ATAD1: variants seen among roughly 807,000 people sequenced by gnomAD.
ATAD1 encodes ATPase family AAA domain containing 1.
A neutral mutation model predicts 42.7 loss-of-function variants in ATAD1; 18 were observed. The observed-to-expected ratio is 0.42, with a 90% CI of 0.29 to 0.63. The LOEUF (loss-of-function observed/expected upper bound fraction) is 0.63. ATAD1 is among the 20% of genes least tolerant of loss of function. ATAD1 has a pLI of 0.19. For missense variants in ATAD1, 294 were observed against 440.4 expected (o/e 0.67, Z 2.98); for synonymous variants, 132 against 143.1 (o/e 0.92, Z 0.55).
intron 1 of ATAD1, 194 bp downstream of exon 1, chr10:87,817,973 C>T: frequency 3.0e-6 from 3 of 985,568 alleles, no homozygotes; most frequent in Non-Finnish European, 3.6e-6. Flanking sequence ...AAGGCGAGGC[C>T]CGGGACGCCC....
intron 5 of ATAD1, among the ~76,000 whole-genome samples, chr10:87,783,191 GCAA>G (rs1855652551): frequency 6.6e-6 from 1 of 151,882 alleles, no homozygotes; most frequent in Non-Finnish European, 1.5e-5. Context: ...ACCATCCTGG[GCAA>G]CATGGAGAAA....
chr10:87,791,287 A>G (rs1589517013), intron 3 of ATAD1, among the ~76,000 whole-genome samples: 1 of 152,188 alleles, frequency 6.6e-6, no homozygotes, highest in South Asian at 2.1e-4. Flanking sequence ...CGTATTTTCA[A>G]AATAGACAAG....
chr10:87,811,053 C>T (rs1857153203), intron 2 of ATAD1, among the ~76,000 whole-genome samples: 1 of 152,100 alleles, frequency 6.6e-6, no homozygotes. Context: ...GATTTTTAGG[C>T]CAGACACAGT....
intron 8 of ATAD1, among the ~76,000 whole-genome samples, chr10:87,764,397 G>A (rs1854636646): frequency 6.6e-6 from 1 of 152,160 alleles, no homozygotes; most frequent in African/African-American, 2.4e-5. Flanking sequence ...GGAAGGCAGA[G>A]GTTGCAGTGA....
intron 2 of ATAD1, among the ~76,000 whole-genome samples, chr10:87,800,209 A>G (rs1220560072): frequency 6.6e-6 from 1 of 152,118 alleles, no homozygotes; most frequent in East Asian, 1.9e-4. Context: ...CACACACTAA[A>G]TCACTGGTTA....
rs752733088 is a variant in ATAD1, at chr10:87,771,017, G to C, written c.715C>G (p.Arg239Gly). 1 of 1,613,286 alleles carries C rather than the reference G, an allele frequency of 6.2e-7. No homozygotes were observed. Among genetic ancestry groups the C allele is most frequent in the Admixed American group, 1.7e-5 (1 of 59,986 alleles). The change falls in exon 7 of 10, where the codon CGT becomes GGT. Residue 239 changes from arginine (R) to glycine (G), a missense_variant. Arg to Gly is a moderately radical substitution (Grantham distance 125). Around this residue, in one of 3 missense-constraint regions of ATAD1, gnomAD observed 142 missense variants for 174.6 expected, o/e 0.81. Coordinates refer to ENST00000680024, the MANE Select transcript of ATAD1 (RefSeq NM_001321967.2). ...ATAGCCGAGTCAAGGTCCTGAGGAC[G>C]ATTGGTAGCTCCCATTACTATGACC... ...CQVIVMGATNRPQDLDSAIMR... is the reference protein window; with the variant it reads ...CQVIVMGATNGPQDLDSAIMR...
chr10:87,763,386 T>C (rs1265826590), intron 8 of ATAD1, among the ~76,000 whole-genome samples: 2 of 152,196 alleles, frequency 1.3e-5, no homozygotes, highest in African/African-American at 4.8e-5. Flanking sequence ...AGGTCAAGAA[T>C]GGTGGTTCAT....
upstream of ATAD1, among the ~76,000 whole-genome samples, chr10:87,819,932 G>A (rs138125275): frequency 0.014 from 2,058 of 152,070 alleles, 39 homozygotes; most frequent in Middle Eastern, 0.078. Context: ...GAATACACCC[G>A]TGCCTGTTTA....
At chr10:87,789,283 T>G (rs1347715686) in intron 4 of ATAD1, among the ~76,000 whole-genome samples, 1 of 152,342 alleles carries the variant, frequency 6.6e-6, no homozygotes, top group East Asian at 1.9e-4. Context: ...TGGCAATGCA[T>G]TAGATAAGAG....
At chr10:87,798,907 TATA>T (rs1011074545) in intron 2 of ATAD1, among the ~76,000 whole-genome samples, 11 of 152,132 alleles carry the variant, frequency 7.2e-5, no homozygotes, top group African/African-American at 2.4e-4. Context: ...TTTATGAATC[TATA>T]ATATGTACTT....
chr10:87,789,508 C>T (rs1389806797), intron 4 of ATAD1, among the ~76,000 whole-genome samples: 1 of 152,128 alleles, frequency 6.6e-6, no homozygotes, highest in Non-Finnish European at 1.5e-5. Context: ...AGAACTTGAA[C>T]TCAGGAGTTC....
At chr10:87,803,413 A>T (rs192481641) in intron 2 of ATAD1, among the ~76,000 whole-genome samples, 1 of 152,378 alleles carries the variant, frequency 6.6e-6, no homozygotes, top group Non-Finnish European at 1.5e-5. Flanking sequence ...GGAATTGCTT[A>T]GGGCAAATCT....
At chr10:87,816,404 A>G (rs575481780) in intron 1 of ATAD1, among the ~76,000 whole-genome samples, 1 of 152,318 alleles carries the variant, frequency 6.6e-6, no homozygotes, top group East Asian at 1.9e-4. Context: ...GAAAGCCTTC[A>G]TTTTGGAGGA....
At chr10:87,816,072 T>G (rs370211799) in intron 1 of ATAD1, among the ~76,000 whole-genome samples, 1 of 152,158 alleles carries the variant, frequency 6.6e-6, no homozygotes, top group African/African-American at 2.4e-5. Context: ...GTATTATTCA[T>G]TTCGCCCTAT....
intron 6 of ATAD1, among the ~76,000 whole-genome samples, chr10:87,773,240 T>C (rs527801253): frequency 6.6e-6 from 1 of 152,292 alleles, no homozygotes; most frequent in East Asian, 1.9e-4. Context: ...TAAATTTACA[T>C]CCCAAAACTT....
intron 9 of ATAD1, among the ~76,000 whole-genome samples, chr10:87,755,307 C>A (rs1371030812): frequency 6.6e-6 from 1 of 152,124 alleles, no homozygotes; most frequent in Non-Finnish European, 1.5e-5. Context: ...ATCAACTAAT[C>A]CAAATCCTCC....
chr10:87,836,398 C>G (rs1857930747), intron 1 of ATAD1, among the ~76,000 whole-genome samples: 2 of 152,100 alleles, frequency 1.3e-5, no homozygotes, highest in Admixed American at 1.3e-4. Flanking sequence ...CTTTGTTTTC[C>G]TCCCCCAAGA....
At chr10:87,836,481 C>CT (rs1472035308) in intron 1 of ATAD1, among the ~76,000 whole-genome samples, 3 of 152,154 alleles carry the variant, frequency 2.0e-5, no homozygotes, top group African/African-American at 7.2e-5. Context: ...CAGGTTTTTA[C>CT]TTTTAGCCCT....
intron 8 of ATAD1, among the ~76,000 whole-genome samples, chr10:87,758,255 T>C (rs538011272): frequency 8.5e-5 from 13 of 152,172 alleles, no homozygotes; most frequent in Non-Finnish European, 1.5e-4. Flanking sequence ...TATGTATGTA[T>C]GTCAAAATAC....
Sources: allele counts gnomAD v4.1 joint callset (sites outside exome capture counted in the v4.1 genomes callset), GRCh38; gene constraint gnomAD v4.1.1; regional missense constraint gnomAD v4.1.1; transcripts MANE v1.5; gene names NCBI Gene and HGNC (gene_info 2026-07-23, HGNC 2026-07-21).